HDX: variants seen among roughly 807,000 people sequenced by gnomAD.
HDX encodes chromosome X open reading frame 43.
Under a neutral mutation model 45.2 loss-of-function variants are expected in HDX, and 19 were observed. The ratio of observed to expected loss-of-function variants is 0.42; its 90% CI spans 0.29 to 0.62. The LOEUF is 0.62. Ranked by LOEUF, HDX falls within the 20% of genes least tolerant of loss-of-function variation. HDX has a pLI of 0.20. For missense variants in HDX, 532 were observed against 493.9 expected (o/e 1.08, Z -0.73); for synonymous variants, 188 against 172.8 (o/e 1.09, Z -0.69).
At chrX:84,487,273 T>C (rs1382734803) in intron 2 of HDX, among the ~76,000 whole-genome samples, 1 of 112,318 alleles carries the variant, frequency 8.9e-6, no homozygotes, top group African/African-American at 3.2e-5. Flanking sequence ...AGCATAGTTA[T>C]AGTAGCTGTT....
intron 3 of HDX, 70 bp from the exon 4 acceptor site, chrX:84,469,645 G>A: frequency 1.2e-6 from 1 of 858,870 alleles, no homozygotes. Flanking sequence ...AATTTTACGT[G>A]GTACATTATA....
chrX:84,458,099 A>C (rs5968330), intron 4 of HDX, among the ~76,000 whole-genome samples: 5,465 of 111,649 alleles, frequency 0.049, 293 homozygotes, highest in African/African-American at 0.16. Context: ...ACAGGCCAGA[A>C]AATTAAGTTC....
intron 5 of HDX, among the ~76,000 whole-genome samples, chrX:84,419,010 A>G (rs1400588335): frequency 8.9e-6 from 1 of 111,945 alleles, no homozygotes; most frequent in African/African-American, 3.2e-5. Context: ...TAGCTTCCAG[A>G]TGACATTTCC....
intron 1 of HDX, chrX:84,501,538 T>C (rs2041117677): frequency 8.9e-6 from 1 of 112,583 alleles, no homozygotes; most frequent in Non-Finnish European, 1.9e-5. Context: ...TAGATTCATT[T>C]GAATAATTAG....
chrX:84,501,798 C>T (rs1008302682), intron 1 of HDX, among the ~76,000 whole-genome samples: 6 of 111,445 alleles, frequency 5.4e-5, no homozygotes, highest in African/African-American at 2.0e-4. Context: ...TTTCCAAATT[C>T]AGCACAGAAA....
At chrX:84,388,644 C>T (rs56092276) in intron 5 of HDX, among the ~76,000 whole-genome samples, 27,872 of 110,675 alleles carry the variant, frequency 0.25, 2,642 homozygotes, top group Non-Finnish European at 0.3. Context: ...TTTTAGCTTT[C>T]GAAGTTTGGT....
intron 5 of HDX, among the ~76,000 whole-genome samples, chrX:84,395,807 G>A (rs1437437713): frequency 9.0e-6 from 1 of 111,501 alleles, no homozygotes; most frequent in East Asian, 2.8e-4. Context: ...TATTTCAAAA[G>A]ATCTGTCTTC....
intron 6 of HDX, among the ~76,000 whole-genome samples, chrX:84,356,824 A>T (rs1470631509): frequency 2.7e-5 from 3 of 109,980 alleles, no homozygotes; most frequent in African/African-American, 9.9e-5. Flanking sequence ...GGGTTTCACC[A>T]TGTTAGCTAG....
chrX:84,354,804 AG>A (rs2037435635), intron 6 of HDX, among the ~76,000 whole-genome samples: 1 of 106,424 alleles, frequency 9.4e-6, no homozygotes, highest in Non-Finnish European at 1.9e-5. Context: ...GGTCTAGAAT[AG>A]GGTGATCTAT....
intron 4 of HDX, among the ~76,000 whole-genome samples, chrX:84,457,666 A>C (rs952647863): frequency 2.1e-4 from 23 of 112,000 alleles, no homozygotes; most frequent in Non-Finnish European, 4.0e-4. Context: ...GAGGTCAACA[A>C]GAAAATGGGG....
intron 5 of HDX, 48 bp downstream of exon 5, chrX:84,440,484 C>A: frequency 1.1e-6 from 1 of 897,918 alleles, no homozygotes; most frequent in South Asian, 2.1e-5. Flanking sequence ...TTTTTACTAA[C>A]AGCACAAGGG....
chrX:84,353,300 C>T (rs984293275), intron 6 of HDX, among the ~76,000 whole-genome samples: 14 of 111,163 alleles, frequency 1.3e-4, no homozygotes, highest in African/African-American at 4.3e-4. Flanking sequence ...TCCAAATTAA[C>T]GTGTTAAAAT....
In HDX at chrX:84,319,903, G is replaced by C. The variant is rs972244502; in HGVS notation, c.*1986C>G. The C allele has an allele frequency of 9.0e-6, 1 of 111,302 alleles. No individual in the cohort carries two copies. Among genetic ancestry groups the C allele is most frequent in the Non-Finnish European group, 1.9e-5 (1 of 52,564 alleles). 9.2% of individuals were successfully genotyped at this position (111,302 alleles called of 1,213,427 possible). On this transcript the variant is annotated 3_prime_UTR_variant, in exon 11 of 11. Coordinates refer to ENST00000373177, the MANE Select transcript of HDX (RefSeq NM_001177479.2). ...CGATTTAGTGACTAATGGCTGATGCGTGACAAATAAAATCTATAGTGTTAA... is the reference window on the plus strand; with the variant it reads ...CGATTTAGTGACTAATGGCTGATGCCTGACAAATAAAATCTATAGTGTTAA...
chrX:84,379,670 T>A (rs1249400095), intron 5 of HDX, among the ~76,000 whole-genome samples: 1 of 111,192 alleles, frequency 9.0e-6, no homozygotes, highest in African/African-American at 3.3e-5. Flanking sequence ...AACTTTAAAA[T>A]TTTTTTGAAA....
intron 2 of HDX, among the ~76,000 whole-genome samples, chrX:84,482,493 C>G (rs181783618): frequency 9.0e-6 from 1 of 111,399 alleles, no homozygotes; most frequent in African/African-American, 3.3e-5. Flanking sequence ...GATAGCCAAG[C>G]AAAGTGGAAG....
intron 4 of HDX, among the ~76,000 whole-genome samples, chrX:84,467,824 T>C (rs1248283973): frequency 9.0e-6 from 1 of 111,418 alleles, no homozygotes; most frequent in Non-Finnish European, 1.9e-5. Context: ...ACCTGAACAA[T>C]TGAATATATG....
intron 5 of HDX, among the ~76,000 whole-genome samples, chrX:84,422,951 A>T (rs1188724983): frequency 9.0e-6 from 1 of 110,939 alleles, no homozygotes; most frequent in Non-Finnish European, 1.9e-5. Context: ...TACAGGCGTT[A>T]AAAGTTGTTT....
chrX:84,345,843 G>A lies in HDX; in HGVS notation c.1453-1386C>T, dbSNP rs182482848. Among the ~76,000 whole-genome samples, 295 of 111,247 alleles carry A rather than the reference G, an allele frequency of 2.7e-3. 2 individuals are homozygous for A. The highest frequency in any genetic ancestry group is 9.3e-3 in the African/African-American group (286 of 30,720). On this transcript the variant is annotated intron_variant, in intron 6 of 10. Coordinates refer to ENST00000373177, the MANE Select transcript of HDX (RefSeq NM_001177479.2). ...CTTTTAGCTGTTCTCATAGGTGTGT[G>A]TAGTAACAGCTCAACAAGTTCTTAA...
Position 84,361,624 on chromosome X carries a change from A to AT in HDX, c.1306-13dup. The AT allele has an allele frequency of 8.8e-7, 1 of 1,135,854 alleles. No homozygotes were observed. The allele number at this position is 1,135,854 out of a possible 1,213,427, so 93.6% of individuals were successfully genotyped here. A position where few individuals can be genotyped will look rare whatever the true frequency, so the allele number is the denominator to read the frequency against. On this transcript the variant is annotated splice_polypyrimidine_tract_variant and intron_variant, in intron 5 of 10. Coordinates refer to ENST00000373177, the MANE Select transcript of HDX (RefSeq NM_001177479.2). ...GTGCGGTCCTGTAGCTGAAAAACAC[A>AT]TTTTTAAATTGTTTTGAATTTTAAA...
Sources: gnomAD v4.1 joint callset for allele counts (sites outside exome capture counted in the v4.1 genomes callset) on GRCh38, gnomAD v4.1.1 for gene constraint, MANE v1.5 for transcripts, NCBI Gene and HGNC (gene_info 2026-07-23, HGNC 2026-07-21) for gene names.